ATP13A4: variants seen among roughly 807,000 people sequenced by gnomAD.
The protein encoded by ATP13A4 is ATPase 13A4, also known as probable cation-transporting ATPase 13A4.
A neutral mutation model predicts 142.5 loss-of-function variants in ATP13A4; 114 were observed. The ratio of observed to expected loss-of-function variants is 0.80; its 90% CI spans 0.69 to 0.93. ATP13A4 has a LOEUF of 0.93. Ranked by LOEUF, ATP13A4 falls within the 40% of genes least tolerant of loss-of-function variation. The pLI, the probability that ATP13A4 is intolerant of heterozygous loss-of-function variation, is 0.00. For synonymous variants in ATP13A4, 488 were observed against 514.8 expected (o/e 0.95, Z 0.70); for missense variants, 1,392 against 1,454.0 (o/e 0.96, Z 0.69).
chr3:193,488,132 C>T (rs1353087915), intron 7 of ATP13A4, among the ~76,000 whole-genome samples: 1 of 152,098 alleles, frequency 6.6e-6, no homozygotes, highest in African/African-American at 2.4e-5. Context: ...GGTGTGGTGG[C>T]ACATGCCTGT....
chr3:193,586,252 T>C (rs1193003937), intron 1 of ATP13A4, among the ~76,000 whole-genome samples: 1 of 152,182 alleles, frequency 6.6e-6, no homozygotes, highest in Admixed American at 6.6e-5. Context: ...CAGATATACG[T>C]TCTAAAAATA....
At chr3:193,417,443 C>T (rs539466081) in intron 25 of ATP13A4, among the ~76,000 whole-genome samples, 41 of 152,200 alleles carry the variant, frequency 2.7e-4, no homozygotes, top group East Asian at 7.7e-4. Flanking sequence ...GGGGAGATAA[C>T]GCTGCAAAGG....
chr3:193,554,839 C>T lies in ATP13A4; in HGVS notation c.-40G>A. ...ACACCTCCTCCCTGACCTTGTCGTG[C>T]AGACGCTTCCAGGATGAACTCCAAC... is the stretch of plus-strand genomic sequence containing the variant. On this transcript the variant is annotated 5_prime_UTR_variant, in exon 1 of 30. Transcript: ENST00000342695. The T allele has an allele frequency of 6.2e-7, 1 of 1,613,838 alleles. No individual in the cohort carries two copies. Among genetic ancestry groups the T allele is most frequent in the Non-Finnish European group, 8.5e-7 (1 of 1,180,012 alleles).
intron 7 of ATP13A4, among the ~76,000 whole-genome samples, chr3:193,488,356 A>G (rs1719756177): frequency 6.6e-6 from 1 of 152,234 alleles, no homozygotes; most frequent in Non-Finnish European, 1.5e-5. Flanking sequence ...TGCATTTAAT[A>G]TAACTAAAAG....
At chr3:193,437,181 C>T (rs1716337197) in intron 23 of ATP13A4, among the ~76,000 whole-genome samples, 1 of 151,372 alleles carries the variant, frequency 6.6e-6, no homozygotes, top group Admixed American at 6.6e-5. Context: ...ATTTCCTCTG[C>T]CCAGAGGTAG....
chr3:193,538,417 A>G (rs1332905590), intron 1 of ATP13A4, among the ~76,000 whole-genome samples: 1 of 151,348 alleles, frequency 6.6e-6, no homozygotes, highest in East Asian at 2.0e-4. Flanking sequence ...ATCTACATCT[A>G]TTTTAGAGAT....
intron 2 of ATP13A4, among the ~76,000 whole-genome samples, chr3:193,566,441 T>C (rs1168661201): frequency 6.6e-6 from 1 of 152,184 alleles, no homozygotes; most frequent in South Asian, 2.1e-4. Flanking sequence ...TATTCTGTCC[T>C]CAAGAATCTG....
At chr3:193,542,726 G>A (rs1367701859) in intron 1 of ATP13A4, among the ~76,000 whole-genome samples, 1 of 152,174 alleles carries the variant, frequency 6.6e-6, no homozygotes, top group Non-Finnish European at 1.5e-5. Context: ...CAAGCAATGG[G>A]GAAGGGATTC....
chr3:193,577,823 T>C (rs1231440290), intron 2 of ATP13A4, among the ~76,000 whole-genome samples: 1 of 152,350 alleles, frequency 6.6e-6, no homozygotes, highest in African/African-American at 2.4e-5. Context: ...GAAGACTGTA[T>C]CTCATGATAA....
chr3:193,474,589 G>A (rs1239157002), intron 8 of ATP13A4, among the ~76,000 whole-genome samples: 1 of 139,768 alleles, frequency 7.2e-6, no homozygotes, highest in Non-Finnish European at 1.5e-5. Context: ...AAGAAAGAAG[G>A]AAAGAAAGGA....
intron 8 of ATP13A4, among the ~76,000 whole-genome samples, chr3:193,477,724 TTC>T (rs1413296985): frequency 1.4e-4 from 22 of 152,098 alleles, no homozygotes; most frequent in Non-Finnish European, 4.4e-5. Flanking sequence ...GACTACTGAG[TTC>T]AGAACACAAA....
rs774682507 is a variant in ATP13A4 at position 193,487,907 on chromosome 3, G to A, written c.738+1823C>T. ...CAACATTGGACTGGTTAAAAATTACGGTACATCTAGAGAAAATGTATTTGT... is the reference window on the plus strand; with the variant it reads ...CAACATTGGACTGGTTAAAAATTACAGTACATCTAGAGAAAATGTATTTGT... On this transcript the variant is annotated intron_variant, in intron 7 of 29. Transcript: ENST00000342695. Among the ~76,000 whole-genome samples, 10 of 152,204 alleles carry A rather than the reference G, an allele frequency of 6.6e-5. No individual in the cohort carries two copies. In the East Asian group the frequency reaches 1.9e-3, roughly 29 times the overall value.
At chr3:193,467,176 T>C in intron 10 of ATP13A4, 140 bp downstream of exon 10, 1 of 828,564 alleles carries the variant, frequency 1.2e-6, no homozygotes, top group Non-Finnish European at 1.9e-6. Context: ...ACACAGCTAC[T>C]ATATACCCAC....
At chr3:193,403,991 C>G in intron 29 of ATP13A4, 2 of 985,420 alleles carry the variant, frequency 2.0e-6, no homozygotes, top group Non-Finnish European at 2.4e-6. Flanking sequence ...GGATAGAGAA[C>G]AGCCAGTCTG....
At chr3:193,560,232 A>C (rs542095147) in intron 2 of ATP13A4, among the ~76,000 whole-genome samples, 13 of 151,464 alleles carry the variant, frequency 8.6e-5, no homozygotes, top group African/African-American at 3.2e-4. Context: ...TTTTTGAGAC[A>C]GGGTCTCGCT....
At chr3:193,547,175 G>A (rs537651060) in intron 1 of ATP13A4, among the ~76,000 whole-genome samples, 74 of 152,140 alleles carry the variant, frequency 4.9e-4, no homozygotes, top group Non-Finnish European at 6.9e-4. Context: ...TTTACTCAGC[G>A]TCCTGTCTGA....
rs1714225089 is a variant in ATP13A4, at chr3:193,400,403, A to T, written c.*2249T>A. ...GCAACTCAAAGTCTCAGAAAGACAG[A>T]CAATCATTTTTTTGTTTTGTTTTGT... On this transcript the variant is annotated 3_prime_UTR_variant, in exon 30 of 30. Transcript: ENST00000342695. Among the ~76,000 whole-genome samples, 1 of 152,238 alleles carries T rather than the reference A, an allele frequency of 6.6e-6. No homozygotes were observed. The highest frequency in any genetic ancestry group is 2.4e-5 in the African/African-American group (1 of 41,464).
intron 2 of ATP13A4, among the ~76,000 whole-genome samples, chr3:193,570,084 G>C (rs965024909): frequency 6.6e-6 from 1 of 152,158 alleles, no homozygotes; most frequent in African/African-American, 2.4e-5. Flanking sequence ...AGGATCACTT[G>C]AGCCCAGGAG....
At chr3:193,452,508 G>T (rs2108632129) in intron 17 of ATP13A4, among the ~76,000 whole-genome samples, 1 of 150,666 alleles carries the variant, frequency 6.6e-6, no homozygotes, top group African/African-American at 2.4e-5. Flanking sequence ...AAGTGAGAGA[G>T]TTGGGTCACA....
Sources: gnomAD v4.1 joint callset for allele counts (sites outside exome capture counted in the v4.1 genomes callset) on GRCh38, gnomAD v4.1.1 for gene constraint, MANE v1.5 for transcripts, NCBI Gene and HGNC (gene_info 2026-07-23, HGNC 2026-07-21) for gene names.